Variants in SLC2A9 observed in about 807,000 individuals in gnomAD.
SLC2A9 encodes solute carrier family 2 member 9.
In SLC2A9, 39 loss-of-function variants were observed where a neutral mutation model predicts 50.6. The observed-to-expected ratio is 0.77, with a 90% CI of 0.60 to 1.01. SLC2A9 has a LOEUF of 1.01. Among genes scored for constraint, SLC2A9 ranks in the 50% least tolerant of loss-of-function variants. The pLI is 0.00. For missense variants in SLC2A9, 686 were observed against 677.6 expected (o/e 1.01, Z -0.14); for synonymous variants, 324 against 276.9 (o/e 1.17, Z -1.69).
chr4:9,773,102 C>T (rs1418040962), intron 1 of SLC2A9, among the ~76,000 whole-genome samples: 1 of 152,162 alleles, frequency 6.6e-6, no homozygotes, highest in African/African-American at 2.4e-5. Context: ...CCTGAGTTAG[C>T]CATTTTAACC....
Position 9,934,783 on chromosome 4 carries a change from C to T in SLC2A9, c.814+7130G>A, listed in dbSNP as rs566815846. Among the ~76,000 whole-genome samples the T allele has an allele frequency of 3.3e-5, 5 of 152,308 alleles. No individual in the cohort carries two copies. In the East Asian group the frequency reaches 9.6e-4, roughly 29 times the overall value. ...AGGTTTTAAGTCCTGCATGCATTAG[C>T]TATTTGTCCTAATGCTCTCCCTCCC... On this transcript the variant is annotated intron_variant, in intron 6 of 11. Coordinates refer to ENST00000264784, the MANE Select transcript of SLC2A9 (RefSeq NM_020041.3).
upstream of SLC2A9, among the ~76,000 whole-genome samples, chr4:10,026,497 A>G (rs1763757696): frequency 6.6e-6 from 1 of 152,202 alleles, no homozygotes; most frequent in South Asian, 2.1e-4. Flanking sequence ...TGACCCAGCA[A>G]TTCCACCACC....
chr4:9,949,367 C>A (rs1007214218), intron 5 of SLC2A9, among the ~76,000 whole-genome samples: 2 of 152,188 alleles, frequency 1.3e-5, no homozygotes, highest in Non-Finnish European at 2.9e-5. Context: ...GACAGACACT[C>A]CTGCTCTTAA....
intron 6 of SLC2A9, among the ~76,000 whole-genome samples, chr4:9,933,306 G>C (rs142103817): frequency 1.3e-5 from 2 of 152,320 alleles, no homozygotes; most frequent in Non-Finnish European, 2.9e-5. Context: ...TTGCAGAGAG[G>C]TGAGCACTTT....
intron 2 of SLC2A9, among the ~76,000 whole-genome samples, chr4:10,013,952 T>C (rs1041553195): frequency 2.0e-5 from 3 of 152,156 alleles, no homozygotes; most frequent in African/African-American, 7.2e-5. Context: ...GCAGCCTTTG[T>C]TCATCATCTC....
intron 3 of SLC2A9, among the ~76,000 whole-genome samples, chr4:9,799,700 C>CCA (rs1553813203): frequency 1.1e-5 from 1 of 93,636 alleles, no homozygotes. Flanking sequence ...GTACCCCCCC[C>CCA]CCACCCAACT....
At chr4:9,869,347 G>C (rs1733017276) in intron 10 of SLC2A9, among the ~76,000 whole-genome samples, 3 of 151,924 alleles carry the variant, frequency 2.0e-5, no homozygotes, top group African/African-American at 7.3e-5. Context: ...ACTGGCTTCA[G>C]GGCAGTTCTA....
intron 11 of SLC2A9, among the ~76,000 whole-genome samples, chr4:9,833,628 G>A (rs1726542749): frequency 6.6e-6 from 1 of 152,180 alleles, no homozygotes; most frequent in South Asian, 2.1e-4. Flanking sequence ...GGGTGGCTGG[G>A]GCTTGGAGTG....
chr4:9,880,960 T>G (rs62293289), intron 10 of SLC2A9, among the ~76,000 whole-genome samples: 18,448 of 152,150 alleles, frequency 0.12, 1,312 homozygotes, highest in African/African-American at 0.17. Flanking sequence ...AGACCTCTAG[T>G]GAGTTCCATA....
intron 6 of SLC2A9, among the ~76,000 whole-genome samples, chr4:9,929,722 G>A (rs943399254): frequency 4.7e-5 from 7 of 149,712 alleles, no homozygotes; most frequent in Admixed American, 2.0e-4. Flanking sequence ...AACCCACACC[G>A]GGGCTCCAGA....
chr4:9,802,556 TTTC>T (rs1721576987), intron 3 of SLC2A9, among the ~76,000 whole-genome samples: 2 of 132,830 alleles, frequency 1.5e-5, no homozygotes, highest in South Asian at 4.6e-4. Flanking sequence ...TTTTTGTTCT[TTTC>T]TTTTTTTTTT....
chr4:9,805,651 G>A (rs1239014661), intron 3 of SLC2A9, among the ~76,000 whole-genome samples: 3 of 147,944 alleles, frequency 2.0e-5, no homozygotes, highest in East Asian at 4.0e-4. Context: ...TAGTGAGCCC[G>A]CACCACTGCA....
chr4:9,999,807 C>G (rs1759448831), intron 2 of SLC2A9, among the ~76,000 whole-genome samples: 2 of 152,118 alleles, frequency 1.3e-5, no homozygotes, highest in African/African-American at 4.8e-5. Context: ...GAAAGAGGAG[C>G]TAGACAGGAA....
rs1438183559 is a variant in SLC2A9 at position 9,935,671 on chromosome 4, T to C, written c.814+6242A>G. ...GTGGAAGAACTCAACAAGATTGCTG[T>C]CCAAGAAGTCATTGGTGAGGAAGCC... is the stretch of plus-strand genomic sequence containing the variant. On this transcript the variant is annotated intron_variant, in intron 6 of 11. Coordinates refer to ENST00000264784, the MANE Select transcript of SLC2A9 (RefSeq NM_020041.3). Among the ~76,000 whole-genome samples, 5 of 152,216 alleles carry C rather than the reference T, an allele frequency of 3.3e-5. No individual in the cohort carries two copies. The East Asian group carries it at 7.7e-4, about 23-fold the overall frequency.
At chr4:9,936,280 G>A (rs1421062404) in intron 6 of SLC2A9, among the ~76,000 whole-genome samples, 1 of 152,178 alleles carries the variant, frequency 6.6e-6, no homozygotes, top group East Asian at 1.9e-4. Context: ...GATCTGATAT[G>A]ATCATTTCTC....
At chr4:9,847,375 G>A (rs967755154) in intron 10 of SLC2A9, among the ~76,000 whole-genome samples, 1 of 152,180 alleles carries the variant, frequency 6.6e-6, no homozygotes, top group African/African-American at 2.4e-5. Flanking sequence ...TCACTATCAT[G>A]AGAACAGCAT....
chr4:9,971,163 AG>A (rs1225478510), intron 5 of SLC2A9, among the ~76,000 whole-genome samples: 2 of 152,182 alleles, frequency 1.3e-5, no homozygotes, highest in African/African-American at 4.8e-5. Context: ...ATTGTGTGAG[AG>A]GTTTTGTCTG....
At chr4:9,980,532 C>T in intron 5 of SLC2A9, 60 bp downstream of exon 5, 1 of 1,611,182 alleles carries the variant, frequency 6.2e-7, no homozygotes, top group Admixed American at 1.7e-5. Flanking sequence ...GAAAAGGCTC[C>T]TTCCTGCAGT....
intron 10 of SLC2A9, among the ~76,000 whole-genome samples, chr4:9,881,332 G>C (rs1735173136): frequency 6.6e-6 from 1 of 152,152 alleles, no homozygotes; most frequent in Non-Finnish European, 1.5e-5. Context: ...AGCTTCCCAG[G>C]TGACTGAGCA....
Sources: allele counts gnomAD v4.1 joint callset (sites outside exome capture counted in the v4.1 genomes callset), GRCh38; gene constraint gnomAD v4.1.1; transcripts MANE v1.5; gene names NCBI Gene and HGNC (gene_info 2026-07-23, HGNC 2026-07-21).